The following NARF variants were observed in gnomAD, a reference collection of about 807,000 sequenced individuals.
NARF encodes the protein iron-only hydrogenase-like protein 2.
A neutral mutation model predicts 48.0 loss-of-function variants in NARF; 41 were observed. The ratio of observed to expected loss-of-function variants is 0.85; its 90% CI spans 0.66 to 1.11. The LOEUF is 1.11. NARF is among the 50% of genes least tolerant of loss of function. The pLI, the probability that NARF is intolerant of heterozygous loss-of-function variation, is 0.00. For synonymous variants in NARF, 215 were observed against 225.5 expected (o/e 0.95, Z 0.42); for missense variants, 613 against 590.2 (o/e 1.04, Z -0.40).
chr17:82,471,606 C>G (rs2043708099), intron 4 of NARF, among the ~76,000 whole-genome samples: 1 of 148,678 alleles, frequency 6.7e-6, no homozygotes, highest in East Asian at 2.0e-4. Flanking sequence ...TCCTGGCTAA[C>G]ACGGTGAAAC....
rs78443363 is a variant in NARF at position 82,463,852 on chromosome 17, G to T, written c.109-435G>T. 886 of 163,330 alleles carry T rather than the reference G, an allele frequency of 5.4e-3. 7 individuals carry two copies. Among genetic ancestry groups the T allele is most frequent in the African/African-American group, 0.02 (844 of 41,780 alleles). 10.1% of individuals were successfully genotyped at this position (163,330 alleles called of 1,614,324 possible). A position where few individuals can be genotyped will look rare whatever the true frequency, so the allele number is the denominator to read the frequency against. On this transcript the variant is annotated intron_variant, in intron 2 of 10. Transcript: ENST00000309794. ...TCTGAGCCTCAAGGGAGAGGCCAGG[G>T]CTGTGGGTGGCCTCAGGGAGCCGTG...
In NARF at chr17:82,469,178, G is replaced by A. The variant is rs541830508; in HGVS notation, c.385+282G>A. Among the ~76,000 whole-genome samples, 54 of 152,304 alleles carry A rather than the reference G, an allele frequency of 3.5e-4. 1 individual carries two copies. The highest frequency in any genetic ancestry group is 1.2e-3 in the African/African-American group (51 of 41,562). On this transcript the variant is annotated intron_variant, in intron 4 of 10. Transcript: ENST00000309794. ...ACAGTGACCACCTTCTGACAACACG[G>A]ACAGGACACTGGGAGATTCCCACAC...
At chr17:82,472,865 G>A (rs775224044) in intron 5 of NARF, among the ~76,000 whole-genome samples, 167 bp downstream of exon 5, 20 of 152,188 alleles carry the variant, frequency 1.3e-4, no homozygotes, top group Admixed American at 8.5e-4. Context: ...GATGTTTTGG[G>A]ACAGCCAATT....
chr17:82,479,206 G>C (rs977143149), intron 6 of NARF: 1 of 262,390 alleles, frequency 3.8e-6, no homozygotes, highest in Non-Finnish European at 7.4e-6. Context: ...CCACCCTGCT[G>C]AGAATGAGGC....
chr17:82,459,881 T>C, intron 1 of NARF, 111 bp from the exon 2 acceptor site: 5 of 849,538 alleles, frequency 5.9e-6, no homozygotes, highest in Non-Finnish European at 9.1e-6. Flanking sequence ...AATAAATAAA[T>C]AAACTAAAAG....
At chr17:82,460,724 A>G (rs1599813009) in intron 2 of NARF, 1 of 152,196 alleles carries the variant, frequency 6.6e-6, no homozygotes, top group Non-Finnish European at 1.5e-5. Flanking sequence ...AGATCGCGCC[A>G]CTGCACTCCA....
intron 10 of NARF, among the ~76,000 whole-genome samples, chr17:82,486,400 G>A (rs914087641): frequency 1.1e-4 from 17 of 152,274 alleles, no homozygotes; most frequent in South Asian, 4.1e-4. Flanking sequence ...TTGGAGGAGC[G>A]GCTCCACTGA....
Position 82,487,419 on chromosome 17 carries a change from GGT to G in NARF, c.1130-496_1130-495del, listed in dbSNP as rs575663486. On this transcript the variant is annotated intron_variant, in intron 10 of 10. Coordinates refer to ENST00000309794, the MANE Select transcript of NARF (RefSeq NM_012336.4). ...GAATCGCTTGAGCCCAGGAGATGGA[GGT>G]TGCAGTGAGCCGAGATTAGGCCACT... Among the ~76,000 whole-genome samples, 9 of 151,118 alleles carry G rather than the reference GGT, an allele frequency of 6.0e-5. No homozygotes were observed. In the East Asian group the frequency reaches 1.6e-3, roughly 26 times the overall value.
rs146813649 is a variant in NARF, at chr17:82,486,955, C to T, written c.1130-961C>T. Reference sequence around the variant, plus strand: ...GGGTGTGTGGGCTCATGGCTGGGCTCACAGCTTAGCTGCCTCTGGTGCAGC... The same window carrying T: ...GGGTGTGTGGGCTCATGGCTGGGCTTACAGCTTAGCTGCCTCTGGTGCAGC... On this transcript the variant is annotated intron_variant, in intron 10 of 10. Coordinates refer to ENST00000309794, the MANE Select transcript of NARF (RefSeq NM_012336.4). Among the ~76,000 whole-genome samples the T allele has an allele frequency of 4.6e-5, 7 of 152,268 alleles. No homozygotes were observed. The East Asian group carries it at 1.4e-3, about 29-fold the overall frequency.
rs374382203 is a variant in NARF at position 82,484,800 on chromosome 17, T to C, written c.834-13T>C. 1.9e-6 allele frequency: 3 copies of C among 1,575,314 alleles called. No homozygotes were observed. The highest frequency in any genetic ancestry group is 1.9e-5 in the Admixed American group (1 of 54,026). On this transcript the variant is annotated splice_polypyrimidine_tract_variant and intron_variant, in intron 8 of 10. Transcript: ENST00000309794. ...GCATTCATGAAGGACTTGTATTTTC[T>C]CTGCCTTGTGAGGTTTGGAGACTTG...
At position 82,458,914 on chromosome 17, in the gene NARF, C is replaced by CCGCT. The variant is rs1245395647; in HGVS notation, c.27+93_27+96dup. The CCGCT allele has an allele frequency of 4.7e-6, 6 of 1,283,818 alleles. No individual in the cohort carries two copies. In the Admixed American group the frequency reaches 1.6e-4, roughly 35 times the overall value. The allele number at this position is 1,283,818 out of a possible 1,614,324, so 79.5% of individuals were successfully genotyped here. On this transcript the variant is annotated intron_variant, in intron 1 of 10. Transcript: ENST00000309794. ...GGCCGAGGTTGGCGGTCCGGGCCCG[C>CCGCT]CGCTCGCTCGCTTCAGGGCTCTTCA...
intron 5 of NARF, among the ~76,000 whole-genome samples, chr17:82,474,255 C>T (rs553272150): frequency 9.2e-5 from 14 of 152,188 alleles, no homozygotes; most frequent in South Asian, 2.1e-4. Flanking sequence ...ATATGGCAAA[C>T]GTGCATGTAT....
chr17:82,487,794 C>G, intron 10 of NARF, 122 bp from the exon 11 acceptor site: 6 of 503,404 alleles, frequency 1.2e-5, no homozygotes, highest in East Asian at 6.1e-5. Flanking sequence ...CGCCCAATCT[C>G]TACAAAAAAT....
chr17:82,483,775 A>T lies in NARF; in HGVS notation c.829A>T (p.Thr277Ser). ...CTCAGTGAGAGATGCTGCCGTCGAC[A>T]CTCTGTAAGTGGCTTCTCTGGGGAG... ...DLSVRDAAVD[T>S]LFGDLKEDKV... Residue 277 changes from threonine (T) to serine (S), a missense_variant, in exon 8 of 11, where the codon ACT becomes TCT. Coordinates refer to ENST00000309794, the MANE Select transcript of NARF (RefSeq NM_012336.4). 1 of 1,613,426 alleles carries T rather than the reference A, an allele frequency of 6.2e-7. No homozygotes were observed. The highest frequency in any genetic ancestry group is 1.3e-5 in the African/African-American group (1 of 74,988).
intron 1 of NARF, 183 bp downstream of exon 1, chr17:82,459,013 A>T: frequency 3.3e-6 from 4 of 1,210,384 alleles, no homozygotes; most frequent in Non-Finnish European, 4.1e-6. Context: ...TGCGCTCTGC[A>T]GGGCGGGTTC....
At chr17:82,481,634 G>A (rs2043967073) in intron 7 of NARF, among the ~76,000 whole-genome samples, 2 of 151,982 alleles carry the variant, frequency 1.3e-5, no homozygotes, top group Non-Finnish European at 2.9e-5. Flanking sequence ...GGAGGCTGAG[G>A]CAGGAGAATC....
chr17:82,487,787 C>CCCCAAA, intron 10 of NARF, 129 bp from the exon 11 acceptor site: 1 of 747,602 alleles, frequency 1.3e-6, no homozygotes, highest in Non-Finnish European at 2.1e-6. Flanking sequence ...CCCCTCCCGC[C>CCCCAAA]CAATCTCTAC....
chr17:82,481,678 C>T (rs925056207), intron 7 of NARF: 4 of 386,798 alleles, frequency 1.0e-5, no homozygotes, highest in South Asian at 3.9e-5. Context: ...TGCAGTAAGC[C>T]GAGATCGCGC....
chr17:82,487,848 C>G (rs2044131443), intron 10 of NARF, 68 bp from the exon 11 acceptor site: 2 of 1,558,188 alleles, frequency 1.3e-6, no homozygotes, highest in Non-Finnish European at 1.7e-6. Context: ...GTAGTTCTAG[C>G]TGCTCAGGAA....
Sources: allele counts gnomAD v4.1 joint callset (sites outside exome capture counted in the v4.1 genomes callset), GRCh38; gene constraint gnomAD v4.1.1; transcripts MANE v1.5; gene names NCBI Gene and HGNC (gene_info 2026-07-23, HGNC 2026-07-21).